MAP3K4: variants seen among roughly 807,000 people sequenced by gnomAD.
MAP3K4 encodes mitogen-activated protein kinase kinase kinase 4.
MAP3K4 carries 67 observed loss-of-function variants against 185.6 expected under a neutral mutation model. That is an observed-to-expected ratio of 0.36 (90% CI 0.30 to 0.44). The LOEUF (loss-of-function observed/expected upper bound fraction) is 0.44. Ranked by LOEUF, MAP3K4 falls within the 20% of genes least tolerant of loss-of-function variation. The pLI is 1.00. For missense variants in MAP3K4, 1,551 were observed against 1,995.1 expected (o/e 0.78, Z 4.24); for synonymous variants, 702 against 710.4 (o/e 0.99, Z 0.19).
Position 161,108,745 on chromosome 6 carries a change from T to G in MAP3K4, c.4122T>G (p.Ile1374Met). ...ATTTTTGTCACCTCACTTTACAGAT[T>G]CGATTTCAACCTAATGACCATAAGA... ...DTGELMAMKE[I>M]RFQPNDHKTI... Residue 1374 changes from isoleucine (I) to methionine (M), a missense_variant and splice_region_variant, in exon 22 of 27, where the codon ATT (isoleucine) becomes ATG (methionine). Physicochemically the swap from Ile to Met is conservative, Grantham distance 10. This residue lies in a region of MAP3K4 where 159 missense variants were observed against 300.5 expected (regional missense o/e 0.53). Transcript: ENST00000392142. The surrounding 1 kb of genome is among the most constrained non-coding windows in gnomAD (Gnocchi z 5.7). 1 of 1,603,056 alleles carries G rather than the reference T, an allele frequency of 6.2e-7. No individual in the cohort carries two copies. Among genetic ancestry groups the G allele is most frequent in the Non-Finnish European group, 8.5e-7 (1 of 1,169,912 alleles).
intron 1 of MAP3K4, 88 bp downstream of exon 1, chr6:160,992,171 C>G: frequency 1.4e-6 from 2 of 1,408,804 alleles, no homozygotes; most frequent in Non-Finnish European, 1.8e-6. Flanking sequence ...CTCTGCTTCC[C>G]GCCAGGTGGG....
intron 2 of MAP3K4, among the ~76,000 whole-genome samples, chr6:161,046,491 A>T (rs1783735451): frequency 6.7e-6 from 1 of 148,734 alleles, no homozygotes; most frequent in African/African-American, 2.5e-5. Flanking sequence ...AGTACTAAAG[A>T]TAAAAATTCT....
Position 161,054,446 on chromosome 6 carries a change from C to T in MAP3K4, c.1707+4467C>T, listed in dbSNP as rs760119643. Among the ~76,000 whole-genome samples, 28 of 152,156 alleles carry T rather than the reference C, an allele frequency of 1.8e-4. No individual in the cohort carries two copies. Among genetic ancestry groups the T allele is most frequent in the African/African-American group, 5.3e-4 (22 of 41,412 alleles). On this transcript the variant is annotated intron_variant, in intron 3 of 26. Coordinates refer to ENST00000392142, the MANE Select transcript of MAP3K4 (RefSeq NM_005922.4). The surrounding 1 kb of genome is among the most constrained non-coding windows in gnomAD (Gnocchi z 4.2). The stretch of plus-strand genomic sequence containing the variant: ...CTGGGATGATAGGTGTGAGCCACCG[C>T]GCCCGGCCCAAACTAATTTTTCTCT...
rs1320317066 is a variant in MAP3K4 at position 161,116,617 on chromosome 6, A to G, written c.4807-233A>G. 6.6e-6 allele frequency among the ~76,000 whole-genome samples: 1 copy of G among 152,204 alleles called. No individual in the cohort carries two copies. Among genetic ancestry groups the G allele is most frequent in the African/African-American group, 2.4e-5 (1 of 41,450 alleles). Reference sequence around the variant, plus strand: ...AATTTATATTGACCTGAGAGTGCATATAGGCGTTTTAGAAAATGCTTTCAT... The same window carrying G: ...AATTTATATTGACCTGAGAGTGCATGTAGGCGTTTTAGAAAATGCTTTCAT... On this transcript the variant is annotated intron_variant, in intron 26 of 26. Coordinates refer to ENST00000392142, the MANE Select transcript of MAP3K4 (RefSeq NM_005922.4). The surrounding 1 kb of genome is among the most constrained non-coding windows in gnomAD (Gnocchi z 6.2).
chr6:161,048,923 C>G lies in MAP3K4; in HGVS notation c.651C>G (p.Asp217Glu). Residue 217 changes from aspartate (D) to glutamate (E), a missense_variant, in exon 3 of 27, where the codon GAC (aspartate) becomes GAG (glutamate). Physicochemically the swap from Asp to Glu is conservative, Grantham distance 45. This residue lies in a region of MAP3K4 where 69 missense variants were observed against 124.8 expected (regional missense o/e 0.55). Transcript: ENST00000392142. The surrounding 1 kb of genome is among the most constrained non-coding windows in gnomAD (Gnocchi z 4.7). Reference protein sequence around the residue: ...ARPARQTSRTDCPADRLKFFE... With the variant: ...ARPARQTSRTECPADRLKFFE... Reference sequence around the variant, plus strand: ...CTGCACGCCAGACTTCTAGGACTGACTGTCCAGCAGATCGTTTAAAGTTTT... The same window carrying G: ...CTGCACGCCAGACTTCTAGGACTGAGTGTCCAGCAGATCGTTTAAAGTTTT... 1 of 1,614,132 alleles carries G rather than the reference C, an allele frequency of 6.2e-7. No individual in the cohort carries two copies.
rs758367600 is a variant in MAP3K4 at position 161,107,857 on chromosome 6, C to T, written c.4049-42C>T. ...AAGTTTAAGGAATGTAAGACAGCCC[C>T]CTGCAGTGGCTGGAAGTGCAGCTTG... On this transcript the variant is annotated intron_variant, in intron 20 of 26. Transcript: ENST00000392142. The surrounding 1 kb of genome is among the most constrained non-coding windows in gnomAD (Gnocchi z 6.2). 13 of 1,408,038 alleles carry T rather than the reference C, an allele frequency of 9.2e-6. No individual in the cohort carries two copies. The highest frequency in any genetic ancestry group is 1.3e-5 in the Non-Finnish European group (13 of 993,054). The allele number at this position is 1,408,038 out of a possible 1,614,324, so 87.2% of individuals were successfully genotyped here.
intron 1 of MAP3K4, among the ~76,000 whole-genome samples, chr6:160,992,688 A>T (rs1348337345): frequency 6.6e-6 from 1 of 152,186 alleles, no homozygotes; most frequent in Non-Finnish European, 1.5e-5. Flanking sequence ...TGTTGCTCAC[A>T]CGTGCACAAA....
intron 1 of MAP3K4, among the ~76,000 whole-genome samples, chr6:161,019,511 A>G (rs923196356): frequency 6.6e-6 from 1 of 152,144 alleles, no homozygotes; most frequent in Non-Finnish European, 1.5e-5. Flanking sequence ...AGTTCAAGCA[A>G]TTCTCCTGCG....
At chr6:161,105,150 T>C (rs1001835414) in intron 19 of MAP3K4, among the ~76,000 whole-genome samples, 1 of 152,138 alleles carries the variant, frequency 6.6e-6, no homozygotes, top group African/African-American at 2.4e-5. Context: ...AAGAACAGGA[T>C]GAAATCAGAA....
chr6:161,011,951 A>G (rs1583105481), intron 1 of MAP3K4, among the ~76,000 whole-genome samples: 1 of 152,148 alleles, frequency 6.6e-6, no homozygotes, highest in Non-Finnish European at 1.5e-5. Context: ...TGAAATTGGT[A>G]CGGTCTCTGC....
intron 18 of MAP3K4, among the ~76,000 whole-genome samples, chr6:161,102,390 T>C (rs772774965): frequency 1.6e-4 from 24 of 152,214 alleles, no homozygotes; most frequent in Non-Finnish European, 2.9e-4. Flanking sequence ...GGAGTAGGGC[T>C]GGGGCTCCTG....
In MAP3K4 at chr6:161,037,983, A is replaced by G. The variant is rs565856869; in HGVS notation, c.343+3534A>G. On this transcript the variant is annotated intron_variant, in intron 2 of 26. Transcript: ENST00000392142. The surrounding 1 kb of genome is among the most constrained non-coding windows in gnomAD (Gnocchi z 4.2). The stretch of plus-strand genomic sequence containing the variant: ...ATGCTGCTAGTACATTTTTTTTGTT[A>G]CTGTTGCTGTTGCCTGTCTTTCCTT... Among the ~76,000 whole-genome samples the G allele has an allele frequency of 2.6e-4, 40 of 151,762 alleles. No individual in the cohort carries two copies. Among genetic ancestry groups the G allele is most frequent in the South Asian group, 6.2e-4 (3 of 4,808 alleles).
chr6:161,025,710 A>T (rs557170297), intron 1 of MAP3K4, among the ~76,000 whole-genome samples: 6 of 152,348 alleles, frequency 3.9e-5, no homozygotes, highest in East Asian at 1.9e-4. Flanking sequence ...AGGAGATTTT[A>T]AAAAATGTTC....
intron 1 of MAP3K4, among the ~76,000 whole-genome samples, chr6:160,997,548 A>G (rs1397796087): frequency 6.6e-6 from 1 of 152,242 alleles, no homozygotes; most frequent in African/African-American, 2.4e-5. Context: ...TCTTAAGAAG[A>G]TTCTCAAGTA....
Position 161,109,988 on chromosome 6 carries a change from G to A in MAP3K4, c.4396+74G>A, listed in dbSNP as rs145701824. 260 of 1,486,342 alleles carry A rather than the reference G, an allele frequency of 1.7e-4. No individual in the cohort carries two copies. The African/African-American group carries it at 1.9e-3, about 11-fold the overall frequency. The allele number at this position is 1,486,342 out of a possible 1,614,324, so 92.1% of individuals were successfully genotyped here. On this transcript the variant is annotated intron_variant, in intron 23 of 26. Coordinates refer to ENST00000392142, the MANE Select transcript of MAP3K4 (RefSeq NM_005922.4). This position sits in a 1 kb window ranked among gnomAD's most constrained non-coding sequence, Gnocchi z 5.7. ...AGCCCGTGGGAGGTGCTCTGAAGAC[G>A]CTCATCCCATTCCCACATATGATTT...
intron 1 of MAP3K4, 91 bp downstream of exon 1, chr6:160,992,174 C>G (rs764447201): frequency 7.1e-7 from 1 of 1,406,038 alleles, no homozygotes; most frequent in South Asian, 1.5e-5. Flanking sequence ...TGCTTCCCGC[C>G]AGGTGGGGAG....
rs920151826 is a variant in MAP3K4 at position 161,117,158 on chromosome 6, T to A, written c.*288T>A. The A allele has an allele frequency of 2.2e-5, 9 of 409,880 alleles. No individual in the cohort carries two copies. Among genetic ancestry groups the A allele is most frequent in the Non-Finnish European group, 3.5e-5 (8 of 228,472 alleles). The allele number at this position is 409,880 out of a possible 1,614,324, so 25.4% of individuals were successfully genotyped here. A position where few individuals can be genotyped will look rare whatever the true frequency, so the allele number is the denominator to read the frequency against. ...CCGTGTCTCGCGCGACTGAGAACCGTGACATCAGCGTAGTGTTTTGACCTT... is the reference window on the plus strand; with the variant it reads ...CCGTGTCTCGCGCGACTGAGAACCGAGACATCAGCGTAGTGTTTTGACCTT... On this transcript the variant is annotated 3_prime_UTR_variant, in exon 27 of 27. Coordinates refer to ENST00000392142, the MANE Select transcript of MAP3K4 (RefSeq NM_005922.4).
intron 5 of MAP3K4, among the ~76,000 whole-genome samples, chr6:161,079,584 GAAAGAA>G (rs921207069): frequency 3.3e-5 from 5 of 152,130 alleles, no homozygotes; most frequent in African/African-American, 9.7e-5. Context: ...CTCAAAAAAA[GAAAGAA>G]AAAGAAAAAG....
At position 161,071,855 on chromosome 6, in the gene MAP3K4, T is replaced by C. The variant is rs1784959055; in HGVS notation, c.1950+1005T>C. On this transcript the variant is annotated intron_variant, in intron 4 of 26. Coordinates refer to ENST00000392142, the MANE Select transcript of MAP3K4 (RefSeq NM_005922.4). The surrounding 1 kb of genome is among the most constrained non-coding windows in gnomAD (Gnocchi z 4.6). ...TAACTCATCCTCATAATCGCAGTGG[T>C]TATCTAGGACATTTTGGGAAAATAC... Among the ~76,000 whole-genome samples the C allele has an allele frequency of 6.6e-6, 1 of 152,184 alleles. No individual in the cohort carries two copies. The highest frequency in any genetic ancestry group is 2.4e-5 in the African/African-American group (1 of 41,454).
Sources: allele counts gnomAD v4.1 joint callset (sites outside exome capture counted in the v4.1 genomes callset), GRCh38; gene constraint gnomAD v4.1.1; regional missense constraint gnomAD v4.1.1; non-coding constraint Gnocchi (gnomAD v3.1); transcripts MANE v1.5; gene names NCBI Gene and HGNC (gene_info 2026-07-23, HGNC 2026-07-21).